The following CNOT2 variants were observed in gnomAD, a reference collection of about 807,000 sequenced individuals.
CNOT2 encodes CCR4-NOT transcription complex subunit 2.
Under a neutral mutation model 72.1 loss-of-function variants are expected in CNOT2, and 7 were observed. That is an observed-to-expected ratio of 0.10 (90% CI 0.06 to 0.18). The LOEUF is 0.18. Ranked by LOEUF, CNOT2 falls within the 10% of genes least tolerant of loss-of-function variation. CNOT2 has a pLI of 1.00. For synonymous variants in CNOT2, 196 were observed against 225.6 expected (o/e 0.87, Z 1.17); for missense variants, 345 against 660.3 (o/e 0.52, Z 5.23).
At position 70,335,560 on chromosome 12, in the gene CNOT2, T is replaced by C; in HGVS notation, c.772T>C (p.Tyr258His). 6.2e-7 allele frequency: 1 copy of C among 1,609,394 alleles called. No individual in the cohort carries two copies. The highest frequency in any genetic ancestry group is 8.5e-7 in the Non-Finnish European group (1 of 1,176,450). Residue 258 changes from tyrosine (Y) to histidine (H), a missense_variant, in exon 8 of 16, where the codon TAT (tyrosine) becomes CAT (histidine). Transcript: ENST00000229195. ...AAACCCCTTGGCTGGAAGAGCTCCT[T>C]ATGGTAATTAAGCTTTTTAATGATG... ...LINPLAGRAP[Y>H]VGMVTKPANE...
chr12:70,292,220 CTG>C (rs1244194830), intron 2 of CNOT2, among the ~76,000 whole-genome samples: 5 of 152,148 alleles, frequency 3.3e-5, no homozygotes, highest in Admixed American at 3.3e-4. Flanking sequence ...TACATCAGCT[CTG>C]TGGTGATGTG....
At chr12:70,331,426 A>T in intron 6 of CNOT2, 1 of 151,986 alleles carries the variant, frequency 6.6e-6, no homozygotes. Context: ...TTATATCTTT[A>T]TCATAACTTT....
chr12:70,243,499 T>G lies in CNOT2; in HGVS notation c.-96+19T>G, dbSNP rs1305977240. The G allele has an allele frequency of 6.6e-6, 1 of 152,122 alleles. No homozygotes were observed. The highest frequency in any genetic ancestry group is 2.4e-5 in the African/African-American group (1 of 41,262). The allele number at this position is 152,122 out of a possible 1,614,324, so 9.4% of individuals were successfully genotyped here. ...TCATGCGGTGAGTTTTTGGTAAATT[T>G]TCGGAAGTCTGGCAGCGGGGCGCGC... is the stretch of plus-strand genomic sequence containing the variant. On this transcript the variant is annotated intron_variant, in intron 1 of 15. Transcript: ENST00000229195.
chr12:70,325,153 G>C (rs781444813), intron 4 of CNOT2, among the ~76,000 whole-genome samples: 1 of 151,678 alleles, frequency 6.6e-6, no homozygotes, highest in Non-Finnish European at 1.5e-5. Context: ...AGTAGTAAAG[G>C]ACAGATTTGA....
intron 1 of CNOT2, among the ~76,000 whole-genome samples, chr12:70,245,962 C>T (rs1217463789): frequency 6.6e-6 from 1 of 151,966 alleles, no homozygotes; most frequent in East Asian, 1.9e-4. Context: ...ATTTGTATTC[C>T]TTTAGTAGAT....
intron 3 of CNOT2, chr12:70,319,041 G>A (rs1319199851): frequency 3.4e-6 from 1 of 290,884 alleles, no homozygotes. Flanking sequence ...TAGTGCTGCT[G>A]TAACTCAAGT....
chr12:70,309,849 TAATTAAA>T (rs1368501562), intron 2 of CNOT2, among the ~76,000 whole-genome samples: 1 of 152,080 alleles, frequency 6.6e-6, no homozygotes, highest in Non-Finnish European at 1.5e-5. Context: ...ATTTTAAAAA[TAATTAAA>T]AATTAAAATT....
chr12:70,255,413 C>G (rs1212039289), intron 1 of CNOT2, among the ~76,000 whole-genome samples: 1 of 152,082 alleles, frequency 6.6e-6, no homozygotes, highest in African/African-American at 2.4e-5. Flanking sequence ...GAATAACTTA[C>G]GCTGTTCTTT....
At chr12:70,316,681 C>T (rs1877394355) in intron 3 of CNOT2, among the ~76,000 whole-genome samples, 1 of 152,080 alleles carries the variant, frequency 6.6e-6, no homozygotes, top group Non-Finnish European at 1.5e-5. Context: ...TGTAGTGGCA[C>T]ATAGAGAAAA....
intron 2 of CNOT2, among the ~76,000 whole-genome samples, chr12:70,284,669 A>G (rs572183661): frequency 1.2e-4 from 18 of 151,184 alleles, no homozygotes; most frequent in Non-Finnish European, 2.2e-4. Context: ...TGAATTCCCA[A>G]GTTCCTCATT....
Position 70,335,432 on chromosome 12 carries a change from A to G in CNOT2, c.650-6A>G. 1 of 1,590,436 alleles carries G rather than the reference A, an allele frequency of 6.3e-7. No individual in the cohort carries two copies. Among genetic ancestry groups the G allele is most frequent in the Non-Finnish European group, 8.6e-7 (1 of 1,159,310 alleles). Reference sequence around the variant, plus strand: ...TCAATAACCAGTGTCCTTTCTTATTATTTAGACGGAAGTGAAAATGTGACA... The same window carrying G: ...TCAATAACCAGTGTCCTTTCTTATTGTTTAGACGGAAGTGAAAATGTGACA... On this transcript the variant is annotated splice_polypyrimidine_tract_variant and splice_region_variant and intron_variant, in intron 7 of 15. Coordinates refer to ENST00000229195, the MANE Select transcript of CNOT2 (RefSeq NM_014515.7).
intron 3 of CNOT2, among the ~76,000 whole-genome samples, chr12:70,318,273 C>T (rs1461216135): frequency 6.6e-6 from 1 of 151,954 alleles, no homozygotes; most frequent in Non-Finnish European, 1.5e-5. Context: ...TATGCCATAA[C>T]ATGGGTGAGC....
chr12:70,308,312 AT>A (rs1875798464), intron 2 of CNOT2, among the ~76,000 whole-genome samples: 1 of 151,908 alleles, frequency 6.6e-6, no homozygotes, highest in Non-Finnish European at 1.5e-5. Context: ...TTCTCTTGTG[AT>A]TTTGCCATGG....
In CNOT2 at chr12:70,349,830, T is replaced by C. The variant is rs375104039; in HGVS notation, c.1536+3506T>C. Among the ~76,000 whole-genome samples, 817 of 111,986 alleles carry C rather than the reference T, an allele frequency of 7.3e-3. 8 individuals are homozygous for C. The highest frequency in any genetic ancestry group is 0.022 in the African/African-American group (752 of 34,212). The allele number at this position is 111,986 out of a possible 152,430, so 73.5% of individuals were successfully genotyped here. ...GCCTGGGCAACATAGCAAGACTCTGTCTCTATAGAAAGAGAGAGAGAGAGA... is the reference window on the plus strand; with the variant it reads ...GCCTGGGCAACATAGCAAGACTCTGCCTCTATAGAAAGAGAGAGAGAGAGA... On this transcript the variant is annotated intron_variant, in intron 15 of 15. Coordinates refer to ENST00000229195, the MANE Select transcript of CNOT2 (RefSeq NM_014515.7).
intron 15 of CNOT2, among the ~76,000 whole-genome samples, chr12:70,346,955 G>C (rs9804870): frequency 0.21 from 32,263 of 151,770 alleles, 4,037 homozygotes; most frequent in Admixed American, 0.34. Context: ...CATTTAGTAC[G>C]TTGTGTTTAT....
chr12:70,268,461 T>C lies in CNOT2; in HGVS notation c.-95-9671T>C, dbSNP rs1277074327. ...AGAAAGTAAAATTTATTTGTTATTT[T>C]CTGAGACAGGGTCTTGTTCTTTTTC... On this transcript the variant is annotated intron_variant, in intron 1 of 15. Transcript: ENST00000229195. Among the ~76,000 whole-genome samples the C allele has an allele frequency of 7.2e-5, 11 of 152,292 alleles. No homozygotes were observed. In the East Asian group the frequency reaches 1.9e-3, roughly 27 times the overall value.
At chr12:70,315,964 T>C (rs1877262644) in intron 3 of CNOT2, among the ~76,000 whole-genome samples, 2 of 152,188 alleles carry the variant, frequency 1.3e-5, no homozygotes, top group African/African-American at 4.8e-5. Flanking sequence ...CTCCTATTAA[T>C]GAGAGTTCTG....
chr12:70,257,179 C>G (rs1228507523), intron 1 of CNOT2, among the ~76,000 whole-genome samples: 1 of 152,026 alleles, frequency 6.6e-6, no homozygotes, highest in African/African-American at 2.4e-5. Flanking sequence ...CAGTGCTTAG[C>G]CAATTGCTGT....
At chr12:70,331,141 CTACATGTATA>C (rs1288609446) in intron 6 of CNOT2, 1 of 149,210 alleles carries the variant, frequency 6.7e-6, no homozygotes, top group African/African-American at 2.4e-5. Context: ...GCTTGATTGC[CTACATGTATA>C]TATATGTATT....
Sources: gnomAD v4.1 joint callset for allele counts (sites outside exome capture counted in the v4.1 genomes callset) on GRCh38, gnomAD v4.1.1 for gene constraint, MANE v1.5 for transcripts, NCBI Gene and HGNC (gene_info 2026-07-23, HGNC 2026-07-21) for gene names.